The following RETREG1 variants were observed in gnomAD, a reference collection of about 807,000 sequenced individuals.
RETREG1 encodes the protein reticulophagy regulator 1.
Under a neutral mutation model 54.8 loss-of-function variants are expected in RETREG1, and 44 were observed. The observed-to-expected ratio is 0.80, with a 90% CI of 0.63 to 1.03. RETREG1 has a LOEUF of 1.03. Among genes scored for constraint, RETREG1 ranks in the 50% least tolerant of loss-of-function variants. RETREG1 has a pLI of 0.00. For missense variants in RETREG1, 554 were observed against 605.1 expected (o/e 0.92, Z 0.89); for synonymous variants, 217 against 238.5 (o/e 0.91, Z 0.83).
At chr5:16,588,477 C>G (rs1742675421) in intron 1 of RETREG1, among the ~76,000 whole-genome samples, 1 of 152,172 alleles carries the variant, frequency 6.6e-6, no homozygotes, top group African/African-American at 2.4e-5. Context: ...TTGGGGGCAG[C>G]ACGATTCAGC....
intron 3 of RETREG1, among the ~76,000 whole-genome samples, chr5:16,495,217 C>T (rs2126539966): frequency 6.6e-6 from 1 of 152,304 alleles, no homozygotes; most frequent in South Asian, 2.1e-4. Context: ...CTTGAACTTA[C>T]ATTTAAAAGG....
At chr5:16,512,768 T>C (rs1446205666) in intron 3 of RETREG1, among the ~76,000 whole-genome samples, 8 of 152,236 alleles carry the variant, frequency 5.3e-5, no homozygotes, top group Middle Eastern at 3.4e-3. Context: ...TTAGTACACA[T>C]GGCCTTCCAA....
At chr5:16,528,818 G>A (rs926478275) in intron 3 of RETREG1, among the ~76,000 whole-genome samples, 4 of 152,098 alleles carry the variant, frequency 2.6e-5, no homozygotes, top group East Asian at 1.9e-4. Flanking sequence ...AGCTTTGTGG[G>A]CCATACAGTG....
intron 3 of RETREG1, among the ~76,000 whole-genome samples, chr5:16,558,400 T>C (rs1741770456): frequency 2.0e-5 from 3 of 152,238 alleles, no homozygotes; most frequent in Non-Finnish European, 4.4e-5. Flanking sequence ...CTTGGACTTC[T>C]CAGCCTTCAG....
intron 3 of RETREG1, among the ~76,000 whole-genome samples, chr5:16,539,860 T>A (rs1449829662): frequency 1.3e-5 from 2 of 152,260 alleles, no homozygotes; most frequent in Non-Finnish European, 2.9e-5. Context: ...TTATCAAATA[T>A]AACTGAATTG....
chr5:16,501,630 C>T (rs567295326), intron 3 of RETREG1, among the ~76,000 whole-genome samples: 2 of 152,060 alleles, frequency 1.3e-5, no homozygotes, highest in East Asian at 3.9e-4. Flanking sequence ...GCAACCTCCG[C>T]CTCCCAGGTT....
intron 1 of RETREG1, among the ~76,000 whole-genome samples, chr5:16,583,971 A>G (rs1742560395): frequency 6.6e-6 from 1 of 152,268 alleles, no homozygotes; most frequent in African/African-American, 2.4e-5. Flanking sequence ...ATAAGAAGGA[A>G]TGAAATAATG....
chr5:16,506,897 G>A (rs920883166), intron 3 of RETREG1, among the ~76,000 whole-genome samples: 3 of 152,074 alleles, frequency 2.0e-5, no homozygotes, highest in Non-Finnish European at 4.4e-5. Context: ...CTCAAAGGAC[G>A]GGGAGTCTCT....
At chr5:16,609,480 G>A (rs1561138836) in intron 1 of RETREG1, among the ~76,000 whole-genome samples, 1 of 152,210 alleles carries the variant, frequency 6.6e-6, no homozygotes, top group Non-Finnish European at 1.5e-5. Context: ...AGTAGCATCT[G>A]TAAAAGGGAG....
chr5:16,520,618 G>A (rs561719296), intron 3 of RETREG1, among the ~76,000 whole-genome samples: 19 of 152,230 alleles, frequency 1.2e-4, no homozygotes, highest in African/African-American at 4.3e-4. Context: ...GTTAGCCACC[G>A]CGCCCAGCCA....
chr5:16,528,737 A>C (rs1304721644), intron 3 of RETREG1, among the ~76,000 whole-genome samples: 2 of 152,216 alleles, frequency 1.3e-5, no homozygotes, highest in African/African-American at 4.8e-5. Flanking sequence ...ATCTGATGGC[A>C]TGAACTGCTT....
chr5:16,546,450 G>A (rs912191636), intron 3 of RETREG1, among the ~76,000 whole-genome samples: 1 of 152,202 alleles, frequency 6.6e-6, no homozygotes, highest in Admixed American at 6.5e-5. Flanking sequence ...TTACAGGCAC[G>A]AGCCAATGCA....
At chr5:16,528,476 C>T (rs992975112) in intron 3 of RETREG1, among the ~76,000 whole-genome samples, 1 of 152,108 alleles carries the variant, frequency 6.6e-6, no homozygotes, top group Admixed American at 6.5e-5. Flanking sequence ...TTCCACCTGC[C>T]TGGGACAGGA....
chr5:16,502,110 C>T (rs1016667287), intron 3 of RETREG1, among the ~76,000 whole-genome samples: 3 of 152,028 alleles, frequency 2.0e-5, no homozygotes, highest in Admixed American at 6.6e-5. Context: ...GCGCCCGCCA[C>T]CACGCCTGGC....
intron 3 of RETREG1, among the ~76,000 whole-genome samples, chr5:16,554,486 T>C (rs1741633080): frequency 6.6e-6 from 1 of 152,152 alleles, no homozygotes; most frequent in African/African-American, 2.4e-5. Context: ...GCACACCCTC[T>C]TTTTCATTGA....
intron 5 of RETREG1, 32 bp from the exon 6 acceptor site, chr5:16,479,019 C>G (rs201452986): frequency 3.8e-5 from 61 of 1,606,666 alleles, no homozygotes; most frequent in Non-Finnish European, 4.3e-5. Flanking sequence ...AGGTAAAATG[C>G]CTTTCCTTTC....
intron 3 of RETREG1, among the ~76,000 whole-genome samples, chr5:16,504,624 G>A (rs893270766): frequency 2.0e-5 from 3 of 152,036 alleles, no homozygotes; most frequent in Admixed American, 1.3e-4. Flanking sequence ...AAACACACCC[G>A]GGGTATCGCC....
chr5:16,567,360 T>C (rs1041504843), intron 2 of RETREG1, among the ~76,000 whole-genome samples: 1 of 152,144 alleles, frequency 6.6e-6, no homozygotes, highest in South Asian at 2.1e-4. Context: ...AGGTCAAAGA[T>C]GAGGCTACCT....
chr5:16,500,460 A>G (rs1739660138), intron 3 of RETREG1, among the ~76,000 whole-genome samples: 1 of 152,166 alleles, frequency 6.6e-6, no homozygotes, highest in South Asian at 2.1e-4. Flanking sequence ...GAATAATGTC[A>G]TGTGGAAGAA....
Sources: gnomAD v4.1 joint callset for allele counts (sites outside exome capture counted in the v4.1 genomes callset) on GRCh38, gnomAD v4.1.1 for gene constraint, MANE v1.5 for transcripts, NCBI Gene and HGNC (gene_info 2026-07-23, HGNC 2026-07-21) for gene names.